The following SSH1 variants were observed in gnomAD, a reference collection of about 807,000 sequenced individuals.
SSH1 encodes the protein slingshot protein phosphatase 1.
SSH1 carries 43 observed loss-of-function variants against 79.7 expected under a neutral mutation model. That is an observed-to-expected ratio of 0.54 (90% CI 0.42 to 0.70). The LOEUF (loss-of-function observed/expected upper bound fraction) is 0.70. Among genes scored for constraint, SSH1 ranks in the 30% least tolerant of loss-of-function variants. The pLI, the probability that SSH1 is intolerant of heterozygous loss-of-function variation, is 0.00. For synonymous variants in SSH1, 599 were observed against 538.3 expected (o/e 1.11, Z -1.56); for missense variants, 1,206 against 1,358.8 (o/e 0.89, Z 1.77).
At position 108,857,342 on chromosome 12, in the gene SSH1, C is replaced by G. The variant is rs1193275833; in HGVS notation, c.69+86G>C. 2 of 818,208 alleles carry G rather than the reference C, an allele frequency of 2.4e-6. No homozygotes were observed. Among genetic ancestry groups the G allele is most frequent in the South Asian group, 1.1e-4 (2 of 18,496 alleles). The allele number at this position is 818,208 out of a possible 1,614,324, so 50.7% of individuals were successfully genotyped here. A position where few individuals can be genotyped will look rare whatever the true frequency, so the allele number is the denominator to read the frequency against. On this transcript the variant is annotated intron_variant, in intron 1 of 14. Transcript: ENST00000326495. This position sits in a 1 kb window ranked among gnomAD's most constrained non-coding sequence, Gnocchi z 4.7. ...CCCGAGGAGCCCGCGCAGCCGCCCC[C>G]CTGCCCCGCACGCGCGGCCCCAGCT...
chr12:108,845,197 G>GAAA (rs532428327), intron 2 of SSH1, among the ~76,000 whole-genome samples: 1 of 59,816 alleles, frequency 1.7e-5, no homozygotes, highest in Non-Finnish European at 3.5e-5. Context: ...CAACAGAGCA[G>GAAA]AAAAAAAAAA....
At chr12:108,840,920 T>C (rs976883856) in intron 2 of SSH1, among the ~76,000 whole-genome samples, 1 of 152,114 alleles carries the variant, frequency 6.6e-6, no homozygotes, top group Non-Finnish European at 1.5e-5. Context: ...TAGACCCCCA[T>C]AAGCGCATGA....
At chr12:108,835,952 T>C (rs2038604545) in intron 2 of SSH1, among the ~76,000 whole-genome samples, 2 of 139,070 alleles carry the variant, frequency 1.4e-5, no homozygotes, top group Admixed American at 1.5e-4. Context: ...TATATTAATA[T>C]AATCGATTAT....
intron 2 of SSH1, among the ~76,000 whole-genome samples, chr12:108,850,573 A>C: frequency 4.9e-5 from 1 of 20,490 alleles, no homozygotes; most frequent in Non-Finnish European, 8.7e-5. Context: ...AGGGAGGGGA[A>C]CTTGGGGAGG....
intron 13 of SSH1, among the ~76,000 whole-genome samples, chr12:108,795,018 C>T (rs1295545523): frequency 6.6e-6 from 1 of 152,140 alleles, no homozygotes; most frequent in Non-Finnish European, 1.5e-5. Context: ...GACTCTCTTC[C>T]CCCTACCCCG....
chr12:108,851,208 C>A (rs1299376997), intron 2 of SSH1, among the ~76,000 whole-genome samples: 3 of 152,306 alleles, frequency 2.0e-5, no homozygotes, highest in Admixed American at 2.0e-4. Context: ...TTGATTCTTG[C>A]AGGCTAGTGT....
rs2037341847 is a variant in SSH1, at chr12:108,807,483, AC to A, written c.731+149del. 5.9e-6 allele frequency: 4 copies of A among 673,898 alleles called. No individual in the cohort carries two copies. Among genetic ancestry groups the A allele is most frequent in the South Asian group, 3.6e-5 (2 of 55,694 alleles). The allele number at this position is 673,898 out of a possible 1,614,324, so 41.7% of individuals were successfully genotyped here. A position where few individuals can be genotyped will look rare whatever the true frequency, so the allele number is the denominator to read the frequency against. On this transcript the variant is annotated intron_variant, in intron 8 of 14. Coordinates refer to ENST00000326495, the MANE Select transcript of SSH1 (RefSeq NM_018984.4). The surrounding 1 kb of genome is among the most constrained non-coding windows in gnomAD (Gnocchi z 5.2). Reference sequence around the variant, plus strand: ...CCTGTGTCACAGACCCCTGCTTTAAACGCTGGTTCTGAGAAAGCTAGGGTTC... The same window carrying A: ...CCTGTGTCACAGACCCCTGCTTTAAAGCTGGTTCTGAGAAAGCTAGGGTTC...
chr12:108,788,874 A>AGGGACTTTGGC lies in SSH1; in HGVS notation c.2253_2263dup (p.Leu755ArgfsTer7). 1 of 1,614,150 alleles carries AGGGACTTTGGC rather than the reference A, an allele frequency of 6.2e-7. No homozygotes were observed. Among genetic ancestry groups the AGGGACTTTGGC allele is most frequent in the Non-Finnish European group, 8.5e-7 (1 of 1,180,028 alleles). On this transcript the variant is annotated frameshift_variant, in exon 15 of 15. Transcript: ENST00000326495. LOFTEE classifies it low-confidence loss of function (END_TRUNC). ...ATCACAGTGAGAATTCTTCAAAAGG[A>AGGGACTTTGGC]GGGACTTTGGCAGGACTTTTGGGGT...
chr12:108,791,939 T>C lies in SSH1; in HGVS notation c.1893+347A>G, dbSNP rs1358448310. The C allele has an allele frequency of 5.4e-6, 7 of 1,308,062 alleles. No individual in the cohort carries two copies. In the East Asian group the frequency reaches 2.0e-4, roughly 37 times the overall value. 81.0% of individuals were successfully genotyped at this position (1,308,062 alleles called of 1,614,324 possible). ...AAGGCTGAAGTTGGCTGATAAATTA[T>C]ATGTTTTAATTTTACATACACAAAA... is the stretch of plus-strand genomic sequence containing the variant. On this transcript the variant is annotated intron_variant, in intron 14 of 14. Coordinates refer to ENST00000326495, the MANE Select transcript of SSH1 (RefSeq NM_018984.4).
chr12:108,818,806 T>C (rs966772870), intron 3 of SSH1, among the ~76,000 whole-genome samples: 32 of 152,256 alleles, frequency 2.1e-4, no homozygotes, highest in Admixed American at 1.7e-3. Context: ...CAGGCTGGAG[T>C]GCAGTGGTAC....
chr12:108,809,470 A>C (rs1205490895), intron 7 of SSH1, among the ~76,000 whole-genome samples: 1 of 151,706 alleles, frequency 6.6e-6, no homozygotes, highest in Non-Finnish European at 1.5e-5. Flanking sequence ...AAAAAAAAAA[A>C]ACGAGAAACC....
chr12:108,800,773 C>T lies in SSH1; in HGVS notation c.1148+7G>A. On this transcript the variant is annotated splice_region_variant and intron_variant, in intron 12 of 14. Transcript: ENST00000326495. ...TCATCCTCAGCCCCGCCTCTCTGTC[C>T]ACTTACTTCGCTTTGTTTATAAAAT... is the stretch of plus-strand genomic sequence containing the variant. 1 of 1,613,912 alleles carries T rather than the reference C, an allele frequency of 6.2e-7. No individual in the cohort carries two copies. Among genetic ancestry groups the T allele is most frequent in the Non-Finnish European group, 8.5e-7 (1 of 1,179,974 alleles).
Position 108,788,419 on chromosome 12 carries a change from G to C in SSH1, c.2719C>G (p.His907Asp). The stretch of plus-strand genomic sequence containing the variant: ...AAGTCTTTTGAGAAACTACTGGTGT[G>C]GTCCAGGCGGTAGAAGAAAGGAGGG... ...SPPPFFYRLD[H>D]TSSFSKDFLK... is the part of the protein sequence containing the mutation. The change falls in exon 15 of 15, where the codon CAC becomes GAC. Residue 907 changes from histidine (H) to aspartate (D), a missense_variant. His to Asp is a moderately conservative substitution (Grantham distance 81, BLOSUM62 -1). Coordinates refer to ENST00000326495, the MANE Select transcript of SSH1 (RefSeq NM_018984.4). 1 of 1,596,794 alleles carries C rather than the reference G, an allele frequency of 6.3e-7. No homozygotes were observed. Among genetic ancestry groups the C allele is most frequent in the Non-Finnish European group, 8.5e-7 (1 of 1,172,780 alleles).
intron 3 of SSH1, among the ~76,000 whole-genome samples, chr12:108,821,061 G>A (rs950174498): frequency 6.6e-6 from 1 of 152,228 alleles, no homozygotes; most frequent in African/African-American, 2.4e-5. Context: ...ATTTCTAAGA[G>A]GGCAGAATAA....
chr12:108,827,490 T>C (rs932466517), intron 2 of SSH1: 59 of 1,297,792 alleles, frequency 4.5e-5, no homozygotes, highest in Non-Finnish European at 5.8e-5. Context: ...CTCAGAGTCC[T>C]ACCCGAAAAG....
chr12:108,810,798 G>C (rs959047065), intron 6 of SSH1, among the ~76,000 whole-genome samples: 1 of 152,222 alleles, frequency 6.6e-6, no homozygotes, highest in Non-Finnish European at 1.5e-5. Flanking sequence ...GGTGGAACTG[G>C]TTCATTCCTC....
chr12:108,840,112 C>A (rs1224662095), intron 2 of SSH1, among the ~76,000 whole-genome samples: 1 of 152,236 alleles, frequency 6.6e-6, no homozygotes, highest in East Asian at 1.9e-4. Context: ...ATTCTGCCCC[C>A]ACACTGCAGG....
At chr12:108,829,116 T>C (rs2038408580) in intron 2 of SSH1, among the ~76,000 whole-genome samples, 1 of 151,982 alleles carries the variant, frequency 6.6e-6, no homozygotes, top group Non-Finnish European at 1.5e-5. Context: ...TCATTTGAGG[T>C]CAGGAGTTCG....
chr12:108,836,991 G>A (rs769132109), intron 2 of SSH1: 1 of 504,370 alleles, frequency 2.0e-6, no homozygotes, highest in South Asian at 1.5e-5. Flanking sequence ...AGCATTTTGG[G>A]AGGCTGAGGT....
Sources: allele counts gnomAD v4.1 joint callset (sites outside exome capture counted in the v4.1 genomes callset), GRCh38; gene constraint gnomAD v4.1.1; non-coding constraint Gnocchi (gnomAD v3.1); transcripts MANE v1.5; gene names NCBI Gene and HGNC (gene_info 2026-07-23, HGNC 2026-07-21).